The following SV2A variants were observed in gnomAD, a reference collection of about 807,000 sequenced individuals.
SV2A encodes the protein synaptic vesicle glycoprotein 2A.
Under a neutral mutation model 78.0 loss-of-function variants are expected in SV2A, and 25 were observed. The ratio of observed to expected loss-of-function variants is 0.32; its 90% CI spans 0.23 to 0.45. The LOEUF (loss-of-function observed/expected upper bound fraction) is 0.45, where lower values mean the gene tolerates loss of function less well. Ranked by LOEUF, SV2A falls within the 20% of genes least tolerant of loss-of-function variation. The pLI is 1.00. For synonymous variants in SV2A, 355 were observed against 384.7 expected (o/e 0.92, Z 0.90); for missense variants, 752 against 971.5 (o/e 0.77, Z 3.00).
chr1:149,906,062 C>T, intron 11 of SV2A, 23 bp from the exon 12 acceptor site: 4 of 1,613,202 alleles, frequency 2.5e-6, no homozygotes, highest in Non-Finnish European at 3.4e-6. Context: ...GAGGAGAGAG[C>T]AACATGAGCC....
At chr1:149,911,752 A>G (rs1305810715) in intron 3 of SV2A, 48 bp downstream of exon 3, 2 of 1,576,722 alleles carry the variant, frequency 1.3e-6, no homozygotes, top group African/African-American at 2.7e-5. Context: ...TACAACAGTG[A>G]CCAAGGCACA....
In SV2A at chr1:149,913,206, C is replaced by T. The variant is rs782531238; in HGVS notation, c.622+13G>A. On this transcript the variant is annotated intron_variant, in intron 2 of 12. Transcript: ENST00000369146. ...AGTTTGAGGGGATAAGGCTGGAGCC[C>T]CCCATGTCTTACCTAGCATGCCTTT... 9 of 1,610,940 alleles carry T rather than the reference C, an allele frequency of 5.6e-6. No homozygotes were observed. Among genetic ancestry groups the T allele is most frequent in the South Asian group, 3.3e-5 (3 of 90,974 alleles).
rs782011566 is a variant in SV2A, at chr1:149,910,584, G to A, written c.1075C>T (p.Arg359Cys). Residue 359 changes from arginine to cysteine, a missense_variant, in exon 5 of 13, where the codon CGT becomes TGT. Arg to Cys is a radical substitution (Grantham distance 180). Around this residue, in one of 7 missense-constraint regions of SV2A, gnomAD observed 136 missense variants for 132.3 expected, o/e 1.03. Coordinates refer to ENST00000369146, the MANE Select transcript of SV2A (RefSeq NM_014849.5). The surrounding 1 kb of genome is among the most constrained non-coding windows in gnomAD (Gnocchi z 4.2). ...GALTTQPESPRFFLENGKHDE... is the reference protein window; with the variant it reads ...GALTTQPESPCFFLENGKHDE... ...AGCCCCATCACCTCTAGGAAGAAACGGGGGCTCTCAGGCTGCGTGGTCAGA... is the reference window on the plus strand; with the variant it reads ...AGCCCCATCACCTCTAGGAAGAAACAGGGGCTCTCAGGCTGCGTGGTCAGA... 12 of 1,606,900 alleles carry A rather than the reference G, an allele frequency of 7.5e-6. No individual in the cohort carries two copies. Among genetic ancestry groups the A allele is most frequent in the East Asian group, 2.2e-5 (1 of 44,630 alleles).
intron 3 of SV2A, 147 bp from the exon 4 acceptor site, chr1:149,911,124 G>T: frequency 9.4e-7 from 1 of 1,063,612 alleles, no homozygotes; most frequent in Non-Finnish European, 1.3e-6. Flanking sequence ...CTCCCATGTG[G>T]GCCAGCCATC....
At chr1:149,913,095 GC>G in intron 2 of SV2A, 123 bp downstream of exon 2, 1 of 1,250,770 alleles carries the variant, frequency 8.0e-7, no homozygotes. Flanking sequence ...GGAACCCTGA[GC>G]CCTCTGGGAA....
rs41264606 is a variant in SV2A at position 149,904,679 on chromosome 1, G to A, written c.*335C>T. On this transcript the variant is annotated 3_prime_UTR_variant, in exon 13 of 13. Transcript: ENST00000369146. ...GGCAGAGGGAATGATGGGGAAGGCA[G>A]GAAGCCTATTCTGGAACCCCTGGAA... 175 of 244,654 alleles carry A rather than the reference G, an allele frequency of 7.2e-4. No individual in the cohort carries two copies. Among genetic ancestry groups the A allele is most frequent in the Non-Finnish European group, 1.2e-3 (156 of 126,088 alleles). 15.2% of individuals were successfully genotyped at this position (244,654 alleles called of 1,614,324 possible).
rs1050227446 is a variant in SV2A at position 149,913,642 on chromosome 1, G to A, written c.199C>T (p.Arg67Ter). Residue 67 changes from arginine to a stop codon, truncating the protein, a stop_gained, in exon 2 of 13, where the codon CGA (arginine) becomes TGA (stop). Coordinates refer to ENST00000369146, the MANE Select transcript of SV2A (RefSeq NM_014849.5). LOFTEE classifies it high-confidence loss of function. ...DFPAPSDGYY[R>*]GEGTQDEEEG... The stretch of plus-strand genomic sequence containing the variant: ...TCCTCATCCTGGGTCCCTTCTCCTC[G>A]GTAATAACCATCACTGGGAGCAGGG... 3.1e-6 allele frequency: 5 copies of A among 1,614,028 alleles called. No individual in the cohort carries two copies. Among genetic ancestry groups the A allele is most frequent in the South Asian group, 1.1e-5 (1 of 91,074 alleles).
Position 149,910,613 on chromosome 1 carries a change from C to T in SV2A, c.1046G>A (p.Gly349Glu). 2 of 1,613,162 alleles carry T rather than the reference C, an allele frequency of 1.2e-6. No individual in the cohort carries two copies. The highest frequency in any genetic ancestry group is 8.5e-7 in the Non-Finnish European group (1 of 1,179,582). Residue 349 changes from glycine to glutamate, a missense_variant, in exon 5 of 13, where the codon GGG (glycine) becomes GAG (glutamate). Around this residue, in one of 7 missense-constraint regions of SV2A, gnomAD observed 136 missense variants for 132.3 expected, o/e 1.03. Transcript: ENST00000369146. The surrounding 1 kb of genome is among the most constrained non-coding windows in gnomAD (Gnocchi z 4.2). ...GCTCTCAGGCTGCGTGGTCAGAGCC[C>T]CAATGGCAAACACAGAAGGAAAGGC... ...VCAFPSVFAI[G>E]ALTTQPESPR...
intron 1 of SV2A, among the ~76,000 whole-genome samples, chr1:149,914,936 T>C (rs2092503217): frequency 6.6e-6 from 1 of 152,198 alleles, no homozygotes; most frequent in African/African-American, 2.4e-5. Context: ...AAATGCCCTA[T>C]ACTACCTCAT....
At chr1:149,908,661 G>A (rs587701325) in intron 8 of SV2A, among the ~76,000 whole-genome samples, 37 of 151,304 alleles carry the variant, frequency 2.4e-4, no homozygotes, top group Non-Finnish European at 4.3e-4. Context: ...CTTTTGAGAC[G>A]GAGTCTCGCT....
chr1:149,917,009 G>A (rs114254667), intron 1 of SV2A, among the ~76,000 whole-genome samples: 404 of 151,974 alleles, frequency 2.7e-3, no homozygotes, highest in African/African-American at 9.3e-3. Flanking sequence ...CATTTGCAGC[G>A]ACCCCCCCAC....
intron 1 of SV2A, among the ~76,000 whole-genome samples, chr1:149,914,450 AC>A (rs587690098): frequency 1.5e-3 from 227 of 152,070 alleles, no homozygotes; most frequent in African/African-American, 4.4e-3. Context: ...CCCCAAACCC[AC>A]CCCAGCCCTT....
At chr1:149,905,482 C>G in intron 12 of SV2A, 1 of 311,564 alleles carries the variant, frequency 3.2e-6, no homozygotes, top group South Asian at 6.2e-5. Flanking sequence ...GAGACGGAGT[C>G]TTGCTCTGTT....
chr1:149,915,742 C>T (rs1424861849), intron 1 of SV2A, among the ~76,000 whole-genome samples: 1 of 152,008 alleles, frequency 6.6e-6, no homozygotes, highest in African/African-American at 2.4e-5. Flanking sequence ...TTGGGTGTCC[C>T]CCCAAAAAAG....
At position 149,910,803 on chromosome 1, in the gene SV2A, G is replaced by A; in HGVS notation, c.955+23C>T. On this transcript the variant is annotated intron_variant, in intron 4 of 12. Coordinates refer to ENST00000369146, the MANE Select transcript of SV2A (RefSeq NM_014849.5). This position sits in a 1 kb window ranked among gnomAD's most constrained non-coding sequence, Gnocchi z 4.2. ...AGAGGGAGGAGGGAGATAACCTGGG[G>A]TGGATTTCCGGGGGCTGCTCACCAT... The A allele has an allele frequency of 6.2e-7, 1 of 1,612,600 alleles. No homozygotes were observed. The highest frequency in any genetic ancestry group is 8.5e-7 in the Non-Finnish European group (1 of 1,178,762).
chr1:149,907,984 T>C (rs2092449576), intron 9 of SV2A, 58 bp downstream of exon 9: 2 of 1,593,900 alleles, frequency 1.3e-6, no homozygotes, highest in African/African-American at 1.3e-5. Flanking sequence ...CCTAGACTCA[T>C]AAAAGAGACG....
chr1:149,904,942 G>A lies in SV2A; in HGVS notation c.*72C>T. The A allele has an allele frequency of 2.0e-6, 3 of 1,480,656 alleles. No homozygotes were observed. The highest frequency in any genetic ancestry group is 2.7e-5 in the South Asian group (2 of 74,758). 91.7% of individuals were successfully genotyped at this position (1,480,656 alleles called of 1,614,324 possible). ...GAGGGCTCTGGAGGTCAGGATGGCA[G>A]GGCAGGGAGGGGAAGGAAGGAGTTG... On this transcript the variant is annotated 3_prime_UTR_variant, in exon 13 of 13. Coordinates refer to ENST00000369146, the MANE Select transcript of SV2A (RefSeq NM_014849.5).
rs1553763669 is a variant in SV2A at position 149,911,049 on chromosome 1, C to A, written c.804-72G>T. 4.6e-6 allele frequency: 7 copies of A among 1,524,920 alleles called. No individual in the cohort carries two copies. The Admixed American group carries it at 1.2e-4, about 25-fold the overall frequency. The allele number at this position is 1,524,920 out of a possible 1,614,324, so 94.5% of individuals were successfully genotyped here. On this transcript the variant is annotated intron_variant, in intron 3 of 12. Coordinates refer to ENST00000369146, the MANE Select transcript of SV2A (RefSeq NM_014849.5). ...TGATCCCCTGCCCCACTGCTCTGGA[C>A]CCCGAGCCCCTTTTGTCTTCCAGGC...
rs782276928 is a variant in SV2A at position 149,904,979 on chromosome 1, G to A, written c.*35C>T. ...GAAGGAAGGAGTTGTTGGTCTCACAGTGTGCCTGCCAATCCCAAAGCCCTA... is the reference window on the plus strand; with the variant it reads ...GAAGGAAGGAGTTGTTGGTCTCACAATGTGCCTGCCAATCCCAAAGCCCTA... On this transcript the variant is annotated 3_prime_UTR_variant, in exon 13 of 13. Transcript: ENST00000369146. 1.5e-5 allele frequency: 24 copies of A among 1,576,322 alleles called. No individual in the cohort carries two copies. The highest frequency in any genetic ancestry group is 2.1e-5 in the Non-Finnish European group (24 of 1,159,334).
Sources: allele counts gnomAD v4.1 joint callset (sites outside exome capture counted in the v4.1 genomes callset), GRCh38; gene constraint gnomAD v4.1.1; regional missense constraint gnomAD v4.1.1; non-coding constraint Gnocchi (gnomAD v3.1); transcripts MANE v1.5; gene names NCBI Gene and HGNC (gene_info 2026-07-23, HGNC 2026-07-21).